The following LYG1 variants were observed in gnomAD, a reference collection of about 807,000 sequenced individuals.
LYG1 encodes lysozyme g1, also known as lysozyme g-like protein 1.
LYG1 carries 17 observed loss-of-function variants against 21.7 expected under a neutral mutation model. That is an observed-to-expected ratio of 0.78 (90% CI 0.54 to 1.18). LYG1 has a LOEUF of 1.18. LYG1 is among the 50% of genes most tolerant of loss of function. The probability of loss-of-function intolerance (pLI) is 0.00; values close to 1 mark genes in which losing one functional copy is unlikely to be tolerated. For synonymous variants in LYG1, 81 were observed against 87.4 expected, an observed-to-expected ratio of 0.93 and a Z score of 0.41; for missense variants, 211 against 238.1, an observed-to-expected ratio of 0.89 and a Z score of 0.75.
At chr2:99,302,309 G>A (rs1289712288), upstream of LYG1, among the ~76,000 whole-genome samples, 1 of 152,168 alleles carries the variant, frequency 6.6e-6, no homozygotes, top group Admixed American at 6.5e-5. Context: ...AGCTCCGTGA[G>A]AGCTGTGAAT....
At chr2:99,301,484 GAAAGAAAA>G (rs2094153932), upstream of LYG1, among the ~76,000 whole-genome samples, 2 of 35,774 alleles carry the variant, frequency 5.6e-5, no homozygotes, top group Admixed American at 8.2e-4. Flanking sequence ...AGGGAAGGAA[GAAAGAAAA>G]GGAAGAAGGA....
Position 99,291,378 on chromosome 2 carries a change from G to C in LYG1, c.192C>G (p.Tyr64Ter), listed in dbSNP as rs1327066650. ...GCATCATGGGTTGATATTTCAGGAG[G>C]TATGGCATGTCTATTTCAGCCAGCC... ...SERLAEIDMP[Y>*]LLKYQPMMQT... Residue 64 changes from tyrosine to a stop codon, truncating the protein, a stop_gained, in exon 5 of 7, where the codon TAC becomes TAG. Transcript: ENST00000308528. LOFTEE classifies it high-confidence loss of function. 2 of 1,614,144 alleles carry C rather than the reference G, an allele frequency of 1.2e-6. No individual in the cohort carries two copies. The highest frequency in any genetic ancestry group is 1.7e-6 in the Non-Finnish European group (2 of 1,180,028).
At chr2:99,302,263 G>A (rs2094156912), upstream of LYG1, among the ~76,000 whole-genome samples, 1 of 152,124 alleles carries the variant, frequency 6.6e-6, no homozygotes, top group African/African-American at 2.4e-5. Context: ...TGCATCCCCT[G>A]CCTTAGCTCC....
At chr2:99,295,779 G>T in intron 2 of LYG1, 77 bp from the exon 3 acceptor site, 1 of 1,415,574 alleles carries the variant, frequency 7.1e-7, no homozygotes. Flanking sequence ...TTCCACAGAA[G>T]CAGGGGTGAA....
At chr2:99,291,963 G>C (rs2094119804) in intron 4 of LYG1, among the ~76,000 whole-genome samples, 1 of 152,166 alleles carries the variant, frequency 6.6e-6, no homozygotes, top group Admixed American at 6.6e-5. Context: ...TACTTAGCTA[G>C]CCTTACCTTC....
chr2:99,295,514 T>A, intron 3 of LYG1, 114 bp downstream of exon 3: 4 of 1,311,956 alleles, frequency 3.0e-6, no homozygotes, highest in Non-Finnish European at 4.4e-6. Context: ...TGTTGGACAG[T>A]TTAGGGAAAA....
chr2:99,304,372 G>A (rs575975091), upstream of LYG1, among the ~76,000 whole-genome samples: 16 of 152,240 alleles, frequency 1.1e-4, no homozygotes, highest in South Asian at 4.1e-4. Flanking sequence ...TTCACCTTCC[G>A]CCATGATTGT....
At chr2:99,290,645 C>T (rs1366742694) in intron 5 of LYG1, among the ~76,000 whole-genome samples, 1 of 152,174 alleles carries the variant, frequency 6.6e-6, no homozygotes, top group Admixed American at 6.5e-5. Context: ...TTCCCTGGCG[C>T]AGAGTTAATT....
chr2:99,293,328 C>T (rs1201591018), intron 3 of LYG1, among the ~76,000 whole-genome samples: 2 of 152,176 alleles, frequency 1.3e-5, no homozygotes, highest in African/African-American at 2.4e-5. Flanking sequence ...AGCACTTCTC[C>T]GTCAAATACT....
At chr2:99,285,785 C>T (rs1181693981) in intron 5 of LYG1, among the ~76,000 whole-genome samples, 1 of 152,212 alleles carries the variant, frequency 6.6e-6, no homozygotes, top group Non-Finnish European at 1.5e-5. Context: ...TGCCCAAATT[C>T]TTCTGTGCGG....
At chr2:99,285,503 T>TG (rs1188588862) in intron 5 of LYG1, among the ~76,000 whole-genome samples, 1 of 150,766 alleles carries the variant, frequency 6.6e-6, no homozygotes, top group African/African-American at 2.4e-5. Flanking sequence ...ATTGTAAGAG[T>TG]GAAAAAAAAG....
At chr2:99,293,519 G>T (rs567762474) in intron 3 of LYG1, among the ~76,000 whole-genome samples, 94 of 152,328 alleles carry the variant, frequency 6.2e-4, no homozygotes, top group Non-Finnish European at 1.1e-3. Context: ...CTGCAGAAGG[G>T]AGTGAAGGAG....
Position 99,284,298 on chromosome 2 carries a change from C to G in LYG1, c.*95G>C. The G allele has an allele frequency of 9.4e-7, 1 of 1,065,428 alleles. No individual in the cohort carries two copies. 66.0% of individuals were successfully genotyped at this position (1,065,428 alleles called of 1,614,324 possible). A position where few individuals can be genotyped will look rare whatever the true frequency, so the allele number is the denominator to read the frequency against. On this transcript the variant is annotated 3_prime_UTR_variant, in exon 7 of 7. Coordinates refer to ENST00000308528, the MANE Select transcript of LYG1 (RefSeq NM_174898.3). ...TTATTTTAATGACTTTTAGGTCAAA[C>G]TCAGATTCCCAGTTACAGGTGCCCT...
At chr2:99,288,671 C>T (rs1009045783) in intron 5 of LYG1, among the ~76,000 whole-genome samples, 19 of 152,110 alleles carry the variant, frequency 1.2e-4, no homozygotes, top group South Asian at 8.3e-4. Flanking sequence ...CAGGCTCCAG[C>T]GATTCTCCTG....
intron 5 of LYG1, among the ~76,000 whole-genome samples, chr2:99,291,036 A>T (rs2094116603): frequency 6.6e-6 from 1 of 152,214 alleles, no homozygotes. Flanking sequence ...GAAACACGGC[A>T]TTATTTACTG....
At chr2:99,292,044 TGGGAGGCCAAAGA>T (rs998374890) in intron 4 of LYG1, among the ~76,000 whole-genome samples, 1 of 152,130 alleles carries the variant, frequency 6.6e-6, no homozygotes, top group African/African-American at 2.4e-5. Flanking sequence ...CCCAGCACTT[TGGGAGGCCAAAGA>T]GGGAGGATCA....
Position 99,291,398 on chromosome 2 carries a change from C to G in LYG1, c.172G>C (p.Ala58Pro). 1 of 1,614,108 alleles carries G rather than the reference C, an allele frequency of 6.2e-7. No individual in the cohort carries two copies. The highest frequency in any genetic ancestry group is 1.1e-5 in the South Asian group (1 of 91,068). ...YCGVRASERL[A>P]EIDMPYLLKY... ...AGGAGGTATGGCATGTCTATTTCAG[C>G]CAGCCTTTCAGAAGCACGAACTCCT... The change falls in exon 5 of 7, where the codon GCT becomes CCT. Residue 58 changes from alanine (A) to proline (P), a missense_variant. Ala to Pro is a conservative substitution (Grantham distance 27). Transcript: ENST00000308528.
At chr2:99,284,605 T>C in intron 6 of LYG1, 83 bp downstream of exon 6, 1 of 1,592,616 alleles carries the variant, frequency 6.3e-7, no homozygotes, top group Non-Finnish European at 8.6e-7. Flanking sequence ...GCAGCTGGAG[T>C]TTCGGGGAAT....
rs1211738144 is a variant in LYG1 at position 99,292,573 on chromosome 2, A to G, written c.111T>C (p.Ser37=). 2.5e-6 allele frequency: 4 copies of G among 1,614,178 alleles called. No individual in the cohort carries two copies. The Admixed American group carries it at 5.0e-5, about 20-fold the overall frequency. The change falls in exon 4 of 7, where the codon TCT becomes TCC. Residue 37 remains serine, a synonymous_variant. Coordinates refer to ENST00000308528, the MANE Select transcript of LYG1 (RefSeq NM_174898.3). The part of the protein sequence containing the change: ...NIQSLDTPGA[S]CGIGRRHGLN... ...GGCCGTGACGTCTTCCAATCCCACA[A>G]GATGCTCCAGGGGTGTCCAGGCTTT...
Sources: allele counts gnomAD v4.1 joint callset (sites outside exome capture counted in the v4.1 genomes callset), GRCh38; gene constraint gnomAD v4.1.1; transcripts MANE v1.5; gene names NCBI Gene and HGNC (gene_info 2026-07-23, HGNC 2026-07-21).